MMP2: variants seen among roughly 807,000 people sequenced by gnomAD.
The protein encoded by MMP2 is 72 kDa type IV collagenase.
Under a neutral mutation model 74.8 loss-of-function variants are expected in MMP2, and 39 were observed. That is an observed-to-expected ratio of 0.52 (90% CI 0.40 to 0.68). The LOEUF is 0.68. Among genes scored for constraint, MMP2 ranks in the 30% least tolerant of loss-of-function variants. MMP2 has a pLI of 0.00. For missense variants in MMP2, 803 were observed against 878.3 expected (o/e 0.91, Z 1.08); for synonymous variants, 367 against 339.8 (o/e 1.08, Z -0.88).
intron 12 of MMP2, 76 bp downstream of exon 12, chr16:55,502,964 A>C: frequency 1.7e-6 from 2 of 1,175,206 alleles, no homozygotes; most frequent in South Asian, 1.2e-5. Flanking sequence ...GCAAATACAC[A>C]CTTCTTTATT....
chr16:55,486,357 G>GTGTGCC (rs1389156686), intron 5 of MMP2, among the ~76,000 whole-genome samples: 1 of 71,704 alleles, frequency 1.4e-5, no homozygotes, highest in Non-Finnish European at 3.6e-5. Context: ...CTGTGTGTGT[G>GTGTGCC]TGTGTGTGTG....
chr16:55,479,298 G>A lies in MMP2; in HGVS notation c.-182G>A, dbSNP rs1962033888. 1 of 581,454 alleles carries A rather than the reference G, an allele frequency of 1.7e-6. No individual in the cohort carries two copies. The allele number at this position is 581,454 out of a possible 1,614,324, so 36.0% of individuals were successfully genotyped here. A position where few individuals can be genotyped will look rare whatever the true frequency, so the allele number is the denominator to read the frequency against. ...GACCTGCGGCGGCGGCGGCGGCGGC[G>A]GGGGCTGGGGCGCGGGGGCCGGACC... On this transcript the variant is annotated 5_prime_UTR_variant, in exon 1 of 13. Coordinates refer to ENST00000219070, the MANE Select transcript of MMP2 (RefSeq NM_004530.6).
At chr16:55,479,954 T>G in intron 1 of MMP2, 2 of 181,330 alleles carry the variant, frequency 1.1e-5, no homozygotes, top group South Asian at 7.0e-5. Flanking sequence ...AGCGGGGACA[T>G]CCTCTAGTAT....
At chr16:55,489,483 T>G (rs1962346436) in intron 6 of MMP2, among the ~76,000 whole-genome samples, 168 bp from the exon 7 acceptor site, 2 of 152,242 alleles carry the variant, frequency 1.3e-5, no homozygotes, top group Admixed American at 6.5e-5. Context: ...ATTCAGTCCC[T>G]CCTGCACAAG....
At chr16:55,495,962 A>C (rs1426178916) in intron 9 of MMP2, among the ~76,000 whole-genome samples, 1 of 152,196 alleles carries the variant, frequency 6.6e-6, no homozygotes, top group African/African-American at 2.4e-5. Context: ...CCCAGATGTG[A>C]AATACAAGTC....
chr16:55,482,037 T>A (rs193000574), intron 1 of MMP2, among the ~76,000 whole-genome samples: 5 of 152,338 alleles, frequency 3.3e-5, no homozygotes, highest in Admixed American at 3.3e-4. Context: ...ATCACATACT[T>A]CATTTTGTTT....
chr16:55,480,754 A>G (rs1962079658), intron 1 of MMP2, among the ~76,000 whole-genome samples: 1 of 152,024 alleles, frequency 6.6e-6, no homozygotes, highest in African/African-American at 2.4e-5. Context: ...TGGTCACCCT[A>G]GGAACTCCTT....
At chr16:55,498,728 T>C (rs1438225441) in intron 11 of MMP2, among the ~76,000 whole-genome samples, 1 of 152,220 alleles carries the variant, frequency 6.6e-6, no homozygotes, top group African/African-American at 2.4e-5. Flanking sequence ...CATTTTGAAA[T>C]GACTCACTGA....
chr16:55,481,617 C>T (rs1046835609), intron 1 of MMP2: 45 of 478,244 alleles, frequency 9.4e-5, no homozygotes, highest in Admixed American at 3.8e-5. Flanking sequence ...CTTACCCAGC[C>T]CCCCACTCAA....
In MMP2 at chr16:55,488,535, A is replaced by C. The variant is rs749149928; in HGVS notation, c.833-8A>C. 6.2e-7 allele frequency: 1 copy of C among 1,613,008 alleles called. No individual in the cohort carries two copies. Among genetic ancestry groups the C allele is most frequent in the Non-Finnish European group, 8.5e-7 (1 of 1,179,688 alleles). On this transcript the variant is annotated splice_region_variant and splice_polypyrimidine_tract_variant and intron_variant, in intron 5 of 12. Coordinates refer to ENST00000219070, the MANE Select transcript of MMP2 (RefSeq NM_004530.6). Reference sequence around the variant, plus strand: ...ATTCACATCCTTCCCTCTCTCCCCCACCCTTAGCCCTGTTCACCATGGGCG... The same window carrying C: ...ATTCACATCCTTCCCTCTCTCCCCCCCCCTTAGCCCTGTTCACCATGGGCG...
chr16:55,483,881 T>A, intron 2 of MMP2, 135 bp from the exon 3 acceptor site: 1 of 895,250 alleles, frequency 1.1e-6, no homozygotes. Context: ...CTTCCCGTGC[T>A]TGTGCATATA....
At position 55,505,752 on chromosome 16, in the gene MMP2, C is replaced by A. The variant is rs557770088; in HGVS notation, c.*310C>A. The stretch of plus-strand genomic sequence containing the variant: ...GCTTTGGGCTGCCCTGGTGCTGCCA[C>A]ACTTCAGGCTCTTCTCCTTTCACAA... On this transcript the variant is annotated 3_prime_UTR_variant, in exon 13 of 13. Transcript: ENST00000219070. The A allele has an allele frequency of 6.9e-5, 30 of 437,504 alleles. No individual in the cohort carries two copies. The highest frequency in any genetic ancestry group is 1.4e-4 in the Admixed American group (4 of 28,546). The allele number at this position is 437,504 out of a possible 1,614,324, so 27.1% of individuals were successfully genotyped here. A position where few individuals can be genotyped will look rare whatever the true frequency, so the allele number is the denominator to read the frequency against.
intron 9 of MMP2, among the ~76,000 whole-genome samples, chr16:55,495,822 T>TA (rs1178442106): frequency 6.6e-6 from 1 of 152,140 alleles, no homozygotes; most frequent in Non-Finnish European, 1.5e-5. Context: ...CCTCTGCACT[T>TA]ACTTCATCCT....
At chr16:55,486,233 C>A (rs373010172) in intron 5 of MMP2, among the ~76,000 whole-genome samples, 2 of 151,992 alleles carry the variant, frequency 1.3e-5, no homozygotes, top group East Asian at 3.9e-4. Flanking sequence ...GGACTCAGAC[C>A]AGGGCTGGAC....
At position 55,479,412 on chromosome 16, in the gene MMP2, G is replaced by A; in HGVS notation, c.-68G>A. On this transcript the variant is annotated 5_prime_UTR_variant, in exon 1 of 13. Coordinates refer to ENST00000219070, the MANE Select transcript of MMP2 (RefSeq NM_004530.6). ...GCGCCGCGGAGCAGGCTCCAACCAG[G>A]CGGCGAGGCGGCCACACGCACCGAG... 7.2e-7 allele frequency: 1 copy of A among 1,397,458 alleles called. No individual in the cohort carries two copies. The highest frequency in any genetic ancestry group is 9.2e-7 in the Non-Finnish European group (1 of 1,084,024). 86.6% of individuals were successfully genotyped at this position (1,397,458 alleles called of 1,614,324 possible). A position where few individuals can be genotyped will look rare whatever the true frequency, so the allele number is the denominator to read the frequency against.
intron 4 of MMP2, 22 bp from the exon 5 acceptor site, chr16:55,485,582 C>G: frequency 6.2e-7 from 1 of 1,614,002 alleles, no homozygotes. Flanking sequence ...GTCCAACCTC[C>G]CCCTTCCATG....
intron 5 of MMP2, chr16:55,487,109 A>G (rs1305844191): frequency 6.6e-6 from 1 of 152,236 alleles, no homozygotes; most frequent in Non-Finnish European, 1.5e-5. Flanking sequence ...TGATAGGAAC[A>G]GAAAGCTTTG....
intron 1 of MMP2, chr16:55,479,980 G>C (rs1596804171): frequency 1.4e-4 from 2 of 14,422 alleles, no homozygotes; most frequent in Non-Finnish European, 3.3e-4. Context: ...ACATTTGGCG[G>C]GGGGGGGGGG....
chr16:55,493,269 G>T lies in MMP2; in HGVS notation c.1448G>T (p.Gly483Val). The T allele has an allele frequency of 6.2e-7, 1 of 1,614,188 alleles. No homozygotes were observed. Among genetic ancestry groups the T allele is most frequent in the Non-Finnish European group, 8.5e-7 (1 of 1,180,040 alleles). The change falls in exon 9 of 13, where the codon GGT (glycine) becomes GTT (valine). Residue 483 changes from glycine (G) to valine (V), a missense_variant. Around this residue, in one of 3 missense-constraint regions of MMP2, gnomAD observed 555 missense variants for 592.0 expected, o/e 0.94. Transcript: ENST00000219070. ...IVFDGIAQIR[G>V]EIFFFKDRFI... ...TTTGATGGCATCGCTCAGATCCGTGGTGAGATCTTCTTCTTCAAGGACCGG... is the reference window on the plus strand; with the variant it reads ...TTTGATGGCATCGCTCAGATCCGTGTTGAGATCTTCTTCTTCAAGGACCGG...
Sources: gnomAD v4.1 joint callset for allele counts (sites outside exome capture counted in the v4.1 genomes callset) on GRCh38, gnomAD v4.1.1 for gene constraint, gnomAD v4.1.1 regional missense constraint, MANE v1.5 for transcripts, NCBI Gene and HGNC (gene_info 2026-07-23, HGNC 2026-07-21) for gene names.